The following EYS variants were observed in gnomAD, a reference collection of about 807,000 sequenced individuals.
EYS encodes protein eyes shut homolog.
Under a neutral mutation model 282.1 loss-of-function variants are expected in EYS, and 250 were observed. That is an observed-to-expected ratio of 0.89 (90% CI 0.80 to 0.98). EYS has a LOEUF of 0.98. Among genes scored for constraint, EYS ranks in the 50% least tolerant of loss-of-function variants. The pLI, the probability that EYS is intolerant of heterozygous loss-of-function variation, is 0.00. For synonymous variants in EYS, 1,355 were observed against 1,282.9 expected (o/e 1.06, Z -1.20); for missense variants, 4,016 against 3,709.0 (o/e 1.08, Z -2.15).
intron 36 of EYS, among the ~76,000 whole-genome samples, chr6:63,825,705 A>G (rs1423427876): frequency 6.6e-6 from 1 of 152,206 alleles, no homozygotes; most frequent in East Asian, 1.9e-4. Flanking sequence ...AGAGTACTAC[A>G]TCAAGGAAAC....
chr6:64,790,531 G>A (rs772778465), intron 22 of EYS, among the ~76,000 whole-genome samples: 3 of 151,842 alleles, frequency 2.0e-5, no homozygotes, highest in Non-Finnish European at 4.4e-5. Flanking sequence ...TTTCAAATAA[G>A]TGACTGAAAA....
rs897064059 is a variant in EYS, at chr6:64,256,403, T to A, written c.6192-25579A>T. Among the ~76,000 whole-genome samples the A allele has an allele frequency of 3.3e-5, 5 of 152,022 alleles. No individual in the cohort carries two copies. In the South Asian group the frequency reaches 1.0e-3, roughly 31 times the overall value. The stretch of plus-strand genomic sequence containing the variant: ...GTAAGCATACTAATTCATTAGACAC[T>A]TTGCTTCAGCCTACTAGGGGTTCAC... On this transcript the variant is annotated intron_variant, in intron 30 of 42. Coordinates refer to ENST00000503581, the MANE Select transcript of EYS (RefSeq NM_001142800.2).
At chr6:65,588,419 C>A (rs560954646) in intron 2 of EYS, among the ~76,000 whole-genome samples, 1 of 151,954 alleles carries the variant, frequency 6.6e-6, no homozygotes, top group Admixed American at 6.6e-5. Flanking sequence ...ATCTGCTGAG[C>A]CTCTTAAGAC....
intron 5 of EYS, among the ~76,000 whole-genome samples, chr6:65,443,617 A>C (rs1768522409): frequency 6.6e-6 from 1 of 150,392 alleles, no homozygotes; most frequent in South Asian, 2.1e-4. Flanking sequence ...ACATATACAC[A>C]CATATAAACA....
chr6:64,743,051 G>T (rs1451151182), intron 22 of EYS, among the ~76,000 whole-genome samples: 1 of 152,078 alleles, frequency 6.6e-6, no homozygotes, highest in East Asian at 1.9e-4. Context: ...TGAGGACAGA[G>T]TAGACATCTA....
intron 10 of EYS, among the ~76,000 whole-genome samples, chr6:65,339,307 A>G (rs1770109263): frequency 6.6e-6 from 1 of 151,236 alleles, no homozygotes; most frequent in Non-Finnish European, 1.5e-5. Context: ...TTAATTGCGA[A>G]CTTGAACTAA....
intron 14 of EYS, among the ~76,000 whole-genome samples, chr6:64,955,856 C>A (rs1769685698): frequency 6.6e-6 from 1 of 152,192 alleles, no homozygotes; most frequent in Middle Eastern, 3.2e-3. Context: ...TTTCTGGCAA[C>A]TCGCTTTGGG....
At chr6:64,393,563 C>T (rs1188730159) in intron 28 of EYS, among the ~76,000 whole-genome samples, 4 of 152,036 alleles carry the variant, frequency 2.6e-5, no homozygotes, top group East Asian at 1.9e-4. Flanking sequence ...CAGAAAAGGC[C>T]TTTGACAAAA....
At chr6:64,149,317 G>A (rs1393151887) in intron 31 of EYS, among the ~76,000 whole-genome samples, 2 of 152,242 alleles carry the variant, frequency 1.3e-5, no homozygotes, top group East Asian at 1.9e-4. Flanking sequence ...TATACGTAAC[G>A]ACACATCAAT....
chr6:64,859,306 C>T (rs1407746831), intron 19 of EYS, among the ~76,000 whole-genome samples: 1 of 148,594 alleles, frequency 6.7e-6, no homozygotes, highest in Non-Finnish European at 1.5e-5. Context: ...TTTAAATATT[C>T]TTTTGGATAG....
intron 11 of EYS, chr6:65,330,712 T>C: frequency 1.1e-6 from 1 of 950,780 alleles, no homozygotes; most frequent in South Asian, 4.9e-5. Flanking sequence ...TATCATTATT[T>C]TGCCTTATAA....
At chr6:63,982,586 C>T (rs771172741) in intron 35 of EYS, among the ~76,000 whole-genome samples, 74 of 151,804 alleles carry the variant, frequency 4.9e-4, no homozygotes, top group Non-Finnish European at 9.0e-4. Context: ...TCCTCAAAGG[C>T]AGCAAAAGAG....
At chr6:64,484,677 A>G (rs1776531251) in intron 26 of EYS, among the ~76,000 whole-genome samples, 1 of 151,628 alleles carries the variant, frequency 6.6e-6, no homozygotes, top group Admixed American at 6.6e-5. Context: ...GTTAAGATTT[A>G]CTTTTAAATC....
intron 28 of EYS, among the ~76,000 whole-genome samples, chr6:64,431,524 T>G (rs570772686): frequency 6.6e-6 from 1 of 152,274 alleles, no homozygotes; most frequent in South Asian, 2.1e-4. Flanking sequence ...GGAAACGAGC[T>G]GTAGAGCGGA....
At chr6:63,840,530 C>T (rs1335406418) in intron 36 of EYS, among the ~76,000 whole-genome samples, 1 of 151,926 alleles carries the variant, frequency 6.6e-6, no homozygotes, top group African/African-American at 2.4e-5. Context: ...GTGCAGAAAT[C>T]TTTTAGTTTG....
At chr6:65,081,702 A>G (rs886065253) in intron 12 of EYS, among the ~76,000 whole-genome samples, 4 of 152,094 alleles carry the variant, frequency 2.6e-5, no homozygotes, top group Non-Finnish European at 4.4e-5. Context: ...TATTTAAAAA[A>G]ATGAGATTCA....
At chr6:65,210,698 TG>T (rs1205486202) in intron 12 of EYS, among the ~76,000 whole-genome samples, 5 of 151,756 alleles carry the variant, frequency 3.3e-5, no homozygotes, top group African/African-American at 1.2e-4. Flanking sequence ...AAAAAGATAA[TG>T]GGGGTAAATT....
At chr6:64,426,684 G>C (rs1399147005) in intron 28 of EYS, among the ~76,000 whole-genome samples, 4 of 152,086 alleles carry the variant, frequency 2.6e-5, no homozygotes, top group African/African-American at 9.7e-5. Context: ...GTTGGCTTTG[G>C]ATAGAATTGG....
intron 2 of EYS, among the ~76,000 whole-genome samples, chr6:65,534,967 A>T (rs1767911245): frequency 2.6e-5 from 4 of 152,162 alleles, no homozygotes; most frequent in Admixed American, 2.0e-4. Context: ...CATTGAATGA[A>T]AAATCATACT....
Sources: gnomAD v4.1 joint callset for allele counts (sites outside exome capture counted in the v4.1 genomes callset) on GRCh38, gnomAD v4.1.1 for gene constraint, MANE v1.5 for transcripts, NCBI Gene and HGNC (gene_info 2026-07-23, HGNC 2026-07-21) for gene names.